Variants in DAB1 observed in about 807,000 individuals in gnomAD.
The protein encoded by DAB1 is disabled homolog 1.
In DAB1, 15 loss-of-function variants were observed where a neutral mutation model predicts 64.6. The ratio of observed to expected loss-of-function variants is 0.23; its 90% confidence interval spans 0.16 to 0.36. The LOEUF (loss-of-function observed/expected upper bound fraction) is 0.36. DAB1 is among the 10% of genes least tolerant of loss of function. The pLI is 1.00. For missense variants in DAB1, 596 were observed against 706.7 expected, an observed-to-expected ratio of 0.84 and a Z score of 1.78; for synonymous variants, 235 against 251.9, an observed-to-expected ratio of 0.93 and a Z score of 0.64.
intron 5 of DAB1, among the ~76,000 whole-genome samples, chr1:58,122,901 T>G (rs1652835889): frequency 6.6e-6 from 1 of 152,166 alleles, no homozygotes; most frequent in Non-Finnish European, 1.5e-5. Flanking sequence ...TGAGCTGGGT[T>G]TAGAGAATGA....
At chr1:57,217,252 C>T (rs1163094961) in intron 2 of DAB1, among the ~76,000 whole-genome samples, 1 of 152,178 alleles carries the variant, frequency 6.6e-6, no homozygotes, top group Non-Finnish European at 1.5e-5. Flanking sequence ...CTTCTTCAAA[C>T]TCTTTGAAGA....
At chr1:57,451,287 C>G (rs1233507711) in intron 7 of DAB1, among the ~76,000 whole-genome samples, 1 of 152,202 alleles carries the variant, frequency 6.6e-6, no homozygotes, top group East Asian at 1.9e-4. Flanking sequence ...CCTCTGCCCA[C>G]AGACACATGG....
chr1:57,553,238 G>T (rs1316956875), intron 7 of DAB1, among the ~76,000 whole-genome samples: 3 of 150,930 alleles, frequency 2.0e-5, no homozygotes, highest in Non-Finnish European at 4.4e-5. Context: ...GGAAAAAATG[G>T]GTATCTATAC....
chr1:57,626,904 G>A (rs1645929508), intron 7 of DAB1, among the ~76,000 whole-genome samples: 1 of 152,120 alleles, frequency 6.6e-6, no homozygotes, highest in East Asian at 1.9e-4. Flanking sequence ...TATAAATCGT[G>A]GGGGAAACAT....
chr1:57,367,611 C>A (rs1002837880), intron 1 of DAB1, among the ~76,000 whole-genome samples: 1 of 152,182 alleles, frequency 6.6e-6, no homozygotes, highest in Non-Finnish European at 1.5e-5. Flanking sequence ...CAGTGGCGAC[C>A]TATCTGGAGC....
intron 3 of DAB1, among the ~76,000 whole-genome samples, chr1:58,379,633 G>T (rs1367717986): frequency 6.6e-6 from 1 of 152,222 alleles, no homozygotes; most frequent in African/African-American, 2.4e-5. Flanking sequence ...ACCTATTGGT[G>T]CAACCATCCC....
intron 1 of DAB1, among the ~76,000 whole-genome samples, chr1:57,854,005 CATAT>C (rs1308026779): frequency 1.3e-5 from 2 of 152,242 alleles, no homozygotes; most frequent in African/African-American, 4.8e-5. Context: ...TCATTCAACA[CATAT>C]ATAGAGTAAA....
chr1:57,791,998 G>A (rs1456308123), intron 6 of DAB1, among the ~76,000 whole-genome samples: 1 of 152,134 alleles, frequency 6.6e-6, no homozygotes, highest in African/African-American at 2.4e-5. Flanking sequence ...TCTGTTAACA[G>A]TCACTAAGGC....
chr1:58,032,565 A>G (rs1360939524), intron 5 of DAB1, among the ~76,000 whole-genome samples: 4 of 152,274 alleles, frequency 2.6e-5, no homozygotes, highest in East Asian at 1.9e-4. Context: ...TGTCTATCCC[A>G]TCTAATCCCC....
intron 2 of DAB1, among the ~76,000 whole-genome samples, chr1:57,187,841 G>A (rs1663732270): frequency 6.6e-6 from 1 of 152,020 alleles, no homozygotes; most frequent in Admixed American, 6.6e-5. Flanking sequence ...GAAAGAGAGA[G>A]AGAGAGAGAG....
At chr1:57,285,536 G>C (rs1027133119) in intron 2 of DAB1, among the ~76,000 whole-genome samples, 1 of 152,034 alleles carries the variant, frequency 6.6e-6, no homozygotes, top group Non-Finnish European at 1.5e-5. Context: ...GCCTCCTAAA[G>C]TGCTGGGATT....
At chr1:57,083,411 T>G (rs1652750761) in intron 4 of DAB1, among the ~76,000 whole-genome samples, 1 of 152,206 alleles carries the variant, frequency 6.6e-6, no homozygotes, top group South Asian at 2.1e-4. Flanking sequence ...ATTGTGGGTG[T>G]TTAGTAATGT....
At chr1:57,599,863 T>G (rs1645555696) in intron 7 of DAB1, among the ~76,000 whole-genome samples, 1 of 152,160 alleles carries the variant, frequency 6.6e-6, no homozygotes, top group African/African-American at 2.4e-5. Context: ...TGACACTCCA[T>G]TCCGCTCTCC....
intron 1 of DAB1, among the ~76,000 whole-genome samples, chr1:58,538,622 T>C (rs1395013844): frequency 1.3e-5 from 2 of 152,216 alleles, no homozygotes; most frequent in Non-Finnish European, 2.9e-5. Flanking sequence ...CAGGACCTAC[T>C]GTTTAGAAAC....
chr1:58,120,072 C>A (rs1187921583), intron 5 of DAB1, among the ~76,000 whole-genome samples: 1 of 152,064 alleles, frequency 6.6e-6, no homozygotes, highest in Non-Finnish European at 1.5e-5. Flanking sequence ...CTGGCCTCGT[C>A]TTTTGTGATC....
chr1:57,471,090 T>A (rs575127830), intron 7 of DAB1, among the ~76,000 whole-genome samples: 1 of 152,352 alleles, frequency 6.6e-6, no homozygotes, highest in South Asian at 2.1e-4. Flanking sequence ...TTAATCACCA[T>A]ACTGGAGTCG....
At chr1:57,242,339 G>A (rs1668553920) in intron 2 of DAB1, among the ~76,000 whole-genome samples, 1 of 152,064 alleles carries the variant, frequency 6.6e-6, no homozygotes, top group Admixed American at 6.6e-5. Context: ...TTAACTCTGG[G>A]CTAAGGGGTC....
intron 3 of DAB1, among the ~76,000 whole-genome samples, chr1:58,379,007 C>T (rs1380937564): frequency 1.3e-5 from 2 of 149,786 alleles, no homozygotes; most frequent in Admixed American, 1.3e-4. Context: ...TTGCGCTTCC[C>T]AGGTGAGGCA....
intron 6 of DAB1, among the ~76,000 whole-genome samples, chr1:57,791,726 GC>G (rs1650607812): frequency 6.6e-6 from 1 of 152,120 alleles, no homozygotes; most frequent in South Asian, 2.1e-4. Flanking sequence ...CTCATTGTGT[GC>G]CTGAGACCCG....
Sources: gnomAD v4.1 joint callset for allele counts (sites outside exome capture counted in the v4.1 genomes callset) on GRCh38, gnomAD v4.1.1 for gene constraint, MANE v1.5 for transcripts, NCBI Gene and HGNC (gene_info 2026-07-23, HGNC 2026-07-21) for gene names.